THSD7B: variants seen among roughly 807,000 people sequenced by gnomAD.
The protein encoded by THSD7B is thrombospondin type-1 domain-containing protein 7B.
THSD7B carries 138 observed loss-of-function variants against 213.6 expected under a neutral mutation model. That is an observed-to-expected ratio of 0.65 (90% CI 0.56 to 0.74). The LOEUF is 0.74. Among genes scored for constraint, THSD7B ranks in the 30% least tolerant of loss-of-function variants. The pLI is 0.00. For missense variants in THSD7B, 1,931 were observed against 1,991.5 expected, an observed-to-expected ratio of 0.97 and a Z score of 0.58; for synonymous variants, 742 against 687.0, an observed-to-expected ratio of 1.08 and a Z score of -1.25.
intron 2 of THSD7B, among the ~76,000 whole-genome samples, chr2:136,963,033 A>G (rs1003419459): frequency 6.6e-5 from 10 of 152,330 alleles, no homozygotes; most frequent in Non-Finnish European, 5.9e-5. Context: ...GCTTCTACAT[A>G]TCATATCTCA....
At chr2:137,406,661 C>G (rs1470937532) in intron 13 of THSD7B, among the ~76,000 whole-genome samples, 2 of 152,184 alleles carry the variant, frequency 1.3e-5, no homozygotes, top group Admixed American at 6.6e-5. Context: ...CTTACCTGAT[C>G]ACATTTTGAA....
intron 15 of THSD7B, among the ~76,000 whole-genome samples, chr2:137,488,857 G>C (rs904810274): frequency 2.0e-5 from 3 of 152,206 alleles, no homozygotes; most frequent in African/African-American, 7.2e-5. Context: ...GCCACAGAGA[G>C]AGTATATGAC....
intron 14 of THSD7B, among the ~76,000 whole-genome samples, chr2:137,424,537 T>A (rs1686998865): frequency 6.6e-6 from 1 of 152,122 alleles, no homozygotes; most frequent in South Asian, 2.1e-4. Context: ...ATACAAAGAT[T>A]AAGTGAGATT....
At chr2:137,316,127 C>T (rs1286428734) in intron 12 of THSD7B, among the ~76,000 whole-genome samples, 1 of 152,150 alleles carries the variant, frequency 6.6e-6, no homozygotes. Context: ...AATATGTTGA[C>T]AATTATAGCG....
At chr2:137,157,132 T>G (rs1490319942) in intron 5 of THSD7B, among the ~76,000 whole-genome samples, 1 of 152,202 alleles carries the variant, frequency 6.6e-6, no homozygotes, top group African/African-American at 2.4e-5. Context: ...AGGTCCACTG[T>G]GCACTGGTCA....
intron 15 of THSD7B, among the ~76,000 whole-genome samples, chr2:137,462,044 G>A (rs989953893): frequency 6.6e-6 from 1 of 152,002 alleles, no homozygotes; most frequent in South Asian, 2.1e-4. Context: ...TCCTTTCCAT[G>A]GATTCAATTA....
At chr2:136,985,984 G>T (rs1685666207) in intron 2 of THSD7B, among the ~76,000 whole-genome samples, 1 of 152,198 alleles carries the variant, frequency 6.6e-6, no homozygotes. Context: ...TTTCATATTT[G>T]TGTGGGTCTT....
At chr2:136,830,415 G>GAATATGT (rs1553451428) in intron 1 of THSD7B, among the ~76,000 whole-genome samples, 5 of 151,650 alleles carry the variant, frequency 3.3e-5, no homozygotes, top group Non-Finnish European at 7.4e-5. Flanking sequence ...GTGATCCTAT[G>GAATATGT]TTTTTCCAAG....
intron 3 of THSD7B, among the ~76,000 whole-genome samples, chr2:137,075,098 C>T (rs983913706): frequency 1.6e-4 from 25 of 152,170 alleles, no homozygotes; most frequent in Admixed American, 3.3e-4. Flanking sequence ...ATCTTTGTGG[C>T]GTTCTGTGTA....
At chr2:137,285,525 G>T (rs1683150474) in intron 12 of THSD7B, among the ~76,000 whole-genome samples, 1 of 149,954 alleles carries the variant, frequency 6.7e-6, no homozygotes, top group African/African-American at 2.4e-5. Context: ...GCATGTTTTT[G>T]CAGTGTAGCT....
chr2:136,950,506 G>A (rs1685018582), intron 2 of THSD7B, among the ~76,000 whole-genome samples: 1 of 152,156 alleles, frequency 6.6e-6, no homozygotes, highest in African/African-American at 2.4e-5. Flanking sequence ...GAAGTAGGCC[G>A]TCAGCTCTCA....
rs559641557 is a variant in THSD7B, at chr2:137,416,162, G to T, written c.2959+4290G>T. Among the ~76,000 whole-genome samples the T allele has an allele frequency of 4.6e-5, 7 of 152,050 alleles. 1 individual carries two copies. Among genetic ancestry groups the T allele is most frequent in the Non-Finnish European group, 7.4e-5 (5 of 68,014 alleles). On this transcript the variant is annotated intron_variant, in intron 14 of 27. Coordinates refer to ENST00000409968, the MANE Select transcript of THSD7B (RefSeq NM_001316349.2). ...TTTCCTTTTTCTATCTTCTGCACAT[G>T]CTGATGTTATGCTGTTCTGTCTTGA... is the stretch of plus-strand genomic sequence containing the variant.
chr2:137,291,383 C>T (rs1443390235), intron 12 of THSD7B, among the ~76,000 whole-genome samples: 1 of 152,022 alleles, frequency 6.6e-6, no homozygotes, highest in Non-Finnish European at 1.5e-5. Context: ...GAAAATGTAC[C>T]TTATTCGTCT....
intron 1 of THSD7B, among the ~76,000 whole-genome samples, chr2:136,835,110 G>A (rs1682822991): frequency 6.6e-6 from 1 of 151,966 alleles, no homozygotes; most frequent in East Asian, 1.9e-4. Flanking sequence ...CTGATACTGG[G>A]GCATCTTCTA....
chr2:137,082,047 C>T (rs1489895784), intron 3 of THSD7B, among the ~76,000 whole-genome samples: 2 of 152,122 alleles, frequency 1.3e-5, no homozygotes, highest in East Asian at 3.8e-4. Flanking sequence ...CTTCCAGTCT[C>T]TTACATTTTG....
intron 15 of THSD7B, among the ~76,000 whole-genome samples, chr2:137,482,892 T>C (rs1212057606): frequency 6.6e-6 from 1 of 152,144 alleles, no homozygotes; most frequent in East Asian, 1.9e-4. Context: ...CAGCATAGGA[T>C]CTCTGAAATG....
chr2:137,064,877 A>G (rs1687347000), intron 3 of THSD7B, among the ~76,000 whole-genome samples: 1 of 151,546 alleles, frequency 6.6e-6, no homozygotes, highest in Non-Finnish European at 1.5e-5. Context: ...GTCTGCTTTT[A>G]TGGCAGTACC....
chr2:137,282,255 G>GT (rs1203885794), intron 12 of THSD7B, among the ~76,000 whole-genome samples: 17 of 151,942 alleles, frequency 1.1e-4, no homozygotes, highest in Non-Finnish European at 1.6e-4. Flanking sequence ...GGGGTTGTTT[G>GT]TTTTTTTCTT....
At chr2:137,205,263 G>T (rs1039452170) in intron 7 of THSD7B, among the ~76,000 whole-genome samples, 1 of 152,048 alleles carries the variant, frequency 6.6e-6, no homozygotes, top group African/African-American at 2.4e-5. Context: ...GTATTTAAAA[G>T]ACTGTCACAT....
Sources: gnomAD v4.1 joint callset for allele counts (sites outside exome capture counted in the v4.1 genomes callset) on GRCh38, gnomAD v4.1.1 for gene constraint, MANE v1.5 for transcripts, NCBI Gene and HGNC (gene_info 2026-07-23, HGNC 2026-07-21) for gene names.